The following KCNC4 variants were observed in gnomAD, a reference collection of about 807,000 sequenced individuals.
KCNC4 encodes the protein voltage-gated potassium channel KCNC4.
In KCNC4, 23 loss-of-function variants were observed where a neutral mutation model predicts 42.8. That is an observed-to-expected ratio of 0.54 (90% confidence interval 0.39 to 0.76). KCNC4 has a LOEUF of 0.76. Ranked by LOEUF, KCNC4 falls within the 30% of genes least tolerant of loss-of-function variation. The pLI, the probability that KCNC4 is intolerant of heterozygous loss-of-function variation, is 0.00. For synonymous variants in KCNC4, 422 were observed against 393.5 expected, an observed-to-expected ratio of 1.07 and a Z score of -0.86; for missense variants, 751 against 898.2, an observed-to-expected ratio of 0.84 and a Z score of 2.10.
At chr1:110,227,884 C>T (rs911814909) in intron 3 of KCNC4, among the ~76,000 whole-genome samples, 1 of 152,154 alleles carries the variant, frequency 6.6e-6, no homozygotes, top group African/African-American at 2.4e-5. Flanking sequence ...GTGCACGGGG[C>T]AGGAGAGCCA....
downstream of KCNC4, chr1:110,237,333 G>C (rs951056351): frequency 1.3e-5 from 2 of 152,062 alleles, no homozygotes; most frequent in African/African-American, 4.8e-5. Context: ...ACAAGGTATT[G>C]GAAACCATCC....
chr1:110,249,897 C>T (rs1353701506), downstream of KCNC4, among the ~76,000 whole-genome samples: 4 of 152,192 alleles, frequency 2.6e-5, no homozygotes, highest in African/African-American at 9.7e-5. Flanking sequence ...AATGACTCCT[C>T]ATTCTCTTCT....
At chr1:110,277,603 A>G (rs945223891) in intron 1 of KCNC4, among the ~76,000 whole-genome samples, 2 of 152,192 alleles carry the variant, frequency 1.3e-5, no homozygotes, top group Non-Finnish European at 2.9e-5. Flanking sequence ...CAGTGCTTCT[A>G]TCTCCAAAAC....
chr1:110,268,644 A>G (rs1301929796), intron 1 of KCNC4, among the ~76,000 whole-genome samples: 1 of 150,622 alleles, frequency 6.6e-6, no homozygotes, highest in African/African-American at 2.4e-5. Context: ...AAAAGAAAAA[A>G]AAAGAAACCC....
At chr1:110,215,817 G>T (rs1032699315) in intron 1 of KCNC4, among the ~76,000 whole-genome samples, 8 of 152,210 alleles carry the variant, frequency 5.3e-5, no homozygotes, top group African/African-American at 1.7e-4. Flanking sequence ...CTTTCTCAAG[G>T]TCGCACCACT....
At chr1:110,279,407 T>C (rs1659783895) in intron 1 of KCNC4, among the ~76,000 whole-genome samples, 1 of 152,220 alleles carries the variant, frequency 6.6e-6, no homozygotes, top group Non-Finnish European at 1.5e-5. Flanking sequence ...TTCTGTCTCA[T>C]TCACTTGTCT....
chr1:110,215,923 C>T (rs1657770863), intron 1 of KCNC4, among the ~76,000 whole-genome samples: 1 of 152,222 alleles, frequency 6.6e-6, no homozygotes, highest in Admixed American at 6.5e-5. Flanking sequence ...TCTCTGGTTT[C>T]CAGAGGGTGG....
chr1:110,225,881 G>T, intron 2 of KCNC4, 94 bp from the exon 3 acceptor site: 2 of 1,215,820 alleles, frequency 1.6e-6, no homozygotes, highest in East Asian at 2.4e-5. Context: ...CAAGGTTGAG[G>T]AAGTAACACT....
intron 1 of KCNC4, among the ~76,000 whole-genome samples, chr1:110,270,655 G>A (rs886065713): frequency 6.6e-6 from 1 of 152,200 alleles, no homozygotes; most frequent in African/African-American, 2.4e-5. Context: ...AAGGGAGCTG[G>A]TTGTGAGGAA....
chr1:110,268,972 TC>T (rs1483980982), intron 1 of KCNC4, among the ~76,000 whole-genome samples: 3 of 152,030 alleles, frequency 2.0e-5, no homozygotes, highest in Non-Finnish European at 2.9e-5. Flanking sequence ...CGCCTCGGCC[TC>T]CCAAAGTACT....
chr1:110,266,489 A>G (rs1659542502), intron 1 of KCNC4, among the ~76,000 whole-genome samples: 1 of 152,208 alleles, frequency 6.6e-6, no homozygotes, highest in African/African-American at 2.4e-5. Flanking sequence ...AGTCCTTAGG[A>G]ACAGCCAGGC....
downstream of KCNC4, among the ~76,000 whole-genome samples, chr1:110,283,944 C>T (rs1361823262): frequency 6.6e-6 from 1 of 152,222 alleles, no homozygotes; most frequent in African/African-American, 2.4e-5. Context: ...AATGGAACCA[C>T]TTGCTAACTG....
downstream of KCNC4, chr1:110,237,186 A>T (rs1034443955): frequency 6.6e-6 from 1 of 152,158 alleles, no homozygotes; most frequent in Admixed American, 6.5e-5. Context: ...GTGTGATGGC[A>T]TGTGCCTGTA....
intron 2 of KCNC4, among the ~76,000 whole-genome samples, chr1:110,282,844 TA>T (rs1216781510): frequency 1.3e-5 from 2 of 152,228 alleles, no homozygotes; most frequent in East Asian, 3.8e-4. Flanking sequence ...CTGAGTCCAG[TA>T]AAAAACTGGG....
intron 1 of KCNC4, among the ~76,000 whole-genome samples, chr1:110,216,327 C>T (rs531603011): frequency 4.1e-4 from 63 of 152,310 alleles, no homozygotes; most frequent in African/African-American, 1.3e-3. Context: ...TTCTGAGCTC[C>T]CCAGGAGGGC....
chr1:110,276,448 C>G lies in KCNC4; in HGVS notation n.31-6086C>G, dbSNP rs1363827443. 2.0e-5 allele frequency among the ~76,000 whole-genome samples: 3 copies of G among 152,202 alleles called. No individual in the cohort carries two copies. In the East Asian group the frequency reaches 5.8e-4, roughly 29 times the overall value. ...AGAAAGAGAATTTCAGTGTCTGCAG[C>G]TTTTTCAGAAGGAGAGGGAGCCCTG... On this transcript the variant is annotated intron_variant and non_coding_transcript_variant, in intron 1 of 2. Coordinates refer to the KCNC4 transcript ENST00000412512.
Position 110,267,454 on chromosome 1 carries a change from C to G in KCNC4, n.31-15080C>G, listed in dbSNP as rs558442289. 3.3e-5 allele frequency among the ~76,000 whole-genome samples: 5 copies of G among 152,200 alleles called. No homozygotes were observed. In the South Asian group the frequency reaches 8.3e-4, roughly 25 times the overall value. On this transcript the variant is annotated intron_variant and non_coding_transcript_variant, in intron 1 of 2. Transcript: ENST00000412512. The stretch of plus-strand genomic sequence containing the variant: ...GCTGCCTCCATGTCCTTCTGGAATC[C>G]GTACATTCCAGATAGCACCACTCCC...
intron 1 of KCNC4, among the ~76,000 whole-genome samples, chr1:110,255,041 T>C (rs1659306511): frequency 6.6e-6 from 1 of 152,268 alleles, no homozygotes. Context: ...TATATACAGA[T>C]AGCATTTCTG....
intron 1 of KCNC4, among the ~76,000 whole-genome samples, chr1:110,213,634 C>T (rs1022152636): frequency 2.0e-5 from 3 of 152,238 alleles, no homozygotes; most frequent in Non-Finnish European, 2.9e-5. Flanking sequence ...GGATCTTTCT[C>T]AGGACTGACA....
Sources: gnomAD v4.1 joint callset for allele counts (sites outside exome capture counted in the v4.1 genomes callset) on GRCh38, gnomAD v4.1.1 for gene constraint, MANE v1.5 for transcripts, NCBI Gene and HGNC (gene_info 2026-07-23, HGNC 2026-07-21) for gene names.